The following MAOB variants were observed in gnomAD, a reference collection of about 807,000 sequenced individuals.
MAOB encodes monoamine oxidase B.
In MAOB, 15 loss-of-function variants were observed where a neutral mutation model predicts 41.9. That is an observed-to-expected ratio of 0.36 (90% CI 0.24 to 0.55). The LOEUF is 0.55. Ranked by LOEUF, MAOB falls within the 20% of genes least tolerant of loss-of-function variation. MAOB has a pLI of 0.86. For synonymous variants in MAOB, 167 were observed against 144.2 expected (o/e 1.16, Z -1.13); for missense variants, 345 against 398.7 (o/e 0.87, Z 1.15).
intron 3 of MAOB, among the ~76,000 whole-genome samples, chrX:43,829,212 C>T (rs1602010221): frequency 8.9e-6 from 1 of 112,124 alleles, no homozygotes. Context: ...AGCATGTGTG[C>T]TAAAAGATGA....
rs768738931 is a variant in MAOB, at chrX:43,807,210, G to C, written c.280-3806C>G. Among the ~76,000 whole-genome samples, 3 of 112,267 alleles carry C rather than the reference G, an allele frequency of 2.7e-5. No individual in the cohort carries two copies. The South Asian group carries it at 1.1e-3, about 41-fold the overall frequency. ...CATAAAACTTGCTCAGCAGAAACCT[G>C]TGGATTGATCCAGGGACCATTCTCC... On this transcript the variant is annotated intron_variant, in intron 3 of 14. Transcript: ENST00000378069.
Position 43,803,417 on chromosome X carries a change from A to G in MAOB, c.280-13T>C, listed in dbSNP as rs1162229207. 1 of 1,165,696 alleles carries G rather than the reference A, an allele frequency of 8.6e-7. No individual in the cohort carries two copies. ...GGTATGATTTGCCCTGTGAGATACA[A>G]GATATTTTTAAAAGGAAATATTTAC... On this transcript the variant is annotated splice_polypyrimidine_tract_variant and intron_variant, in intron 3 of 14. Coordinates refer to ENST00000378069, the MANE Select transcript of MAOB (RefSeq NM_000898.5).
intron 8 of MAOB, among the ~76,000 whole-genome samples, chrX:43,783,908 T>C (rs1252995782): frequency 8.9e-6 from 1 of 112,329 alleles, no homozygotes; most frequent in African/African-American, 3.2e-5. Context: ...ATCAACTAAG[T>C]TTATGTAATA....
At chrX:43,822,659 GA>G (rs1266558620) in intron 3 of MAOB, among the ~76,000 whole-genome samples, 3 of 112,183 alleles carry the variant, frequency 2.7e-5, no homozygotes, top group Non-Finnish European at 5.6e-5. Flanking sequence ...CTGTTTATTT[GA>G]AACAATTATT....
chrX:43,833,195 T>C (rs2035037383), intron 3 of MAOB, among the ~76,000 whole-genome samples: 2 of 111,554 alleles, frequency 1.8e-5, no homozygotes, highest in African/African-American at 6.5e-5. Flanking sequence ...GGGATAATAC[T>C]TCTAATTCAC....
At chrX:43,831,839 C>A (rs1206065515) in intron 3 of MAOB, among the ~76,000 whole-genome samples, 1 of 111,079 alleles carries the variant, frequency 9.0e-6, no homozygotes, top group Non-Finnish European at 1.9e-5. Flanking sequence ...TAGATTGATT[C>A]ATTGCTATGA....
Position 43,793,423 on chromosome X carries a change from T to C in MAOB, c.924A>G (p.Lys308=). ...IVYYKEPFWR[K]KDYCGTMIID... is the part of the protein sequence containing the mutation. ...TTATATAAGGAAAGTACTCACCCTT[T>C]TTCCTCCAGAAAGGCTCTTTATAAT... Residue 308 remains lysine (K), a synonymous_variant, in exon 8 of 15, where the codon AAA becomes AAG. Coordinates refer to ENST00000378069, the MANE Select transcript of MAOB (RefSeq NM_000898.5). The C allele has an allele frequency of 8.4e-7, 1 of 1,189,531 alleles. No individual in the cohort carries two copies. The highest frequency in any genetic ancestry group is 1.1e-6 in the Non-Finnish European group (1 of 884,441).
At chrX:43,837,912 A>G (rs1415338453) in intron 3 of MAOB, 1 of 331,220 alleles carries the variant, frequency 3.0e-6, no homozygotes, top group Non-Finnish European at 5.9e-6. Context: ...TTTGTGGACC[A>G]AGATGAGGAT....
intron 11 of MAOB, among the ~76,000 whole-genome samples, chrX:43,775,476 A>G (rs1188777132): frequency 8.9e-6 from 1 of 111,983 alleles, no homozygotes; most frequent in African/African-American, 3.2e-5. Flanking sequence ...AGATCTTAGA[A>G]TGTTTTTTTC....
At chrX:43,794,546 A>C (rs1293681703) in intron 7 of MAOB, among the ~76,000 whole-genome samples, 2 of 110,626 alleles carry the variant, frequency 1.8e-5, no homozygotes, top group Non-Finnish European at 1.9e-5. Flanking sequence ...TTTGTTCACG[A>C]CTGTGTTCTT....
chrX:43,869,838 T>C (rs1056449318), intron 1 of MAOB, among the ~76,000 whole-genome samples: 1 of 111,726 alleles, frequency 9.0e-6, no homozygotes, highest in African/African-American at 3.3e-5. Flanking sequence ...CTCACAATCA[T>C]GATTTCCTAT....
intron 1 of MAOB, chrX:43,844,459 T>A (rs2035176826): frequency 8.9e-6 from 1 of 111,802 alleles, no homozygotes; most frequent in Admixed American, 9.4e-5. Context: ...ACTTTACCCA[T>A]TGTGATGGTT....
In MAOB at chrX:43,771,895, C is replaced by T. The variant is rs746002592; in HGVS notation, c.1236-2477G>A. Among the ~76,000 whole-genome samples, 9 of 111,580 alleles carry T rather than the reference C, an allele frequency of 8.1e-5. No homozygotes were observed. The South Asian group carries it at 3.4e-3, about 42-fold the overall frequency. The stretch of plus-strand genomic sequence containing the variant: ...ATACCTGCCCCTTCTTTTGCAGGTG[C>T]GTGAACAGACAGTATATATTTACAA... On this transcript the variant is annotated intron_variant, in intron 12 of 14. Coordinates refer to ENST00000378069, the MANE Select transcript of MAOB (RefSeq NM_000898.5).
chrX:43,838,811 T>C, intron 3 of MAOB, 57 bp downstream of exon 3: 1 of 1,063,900 alleles, frequency 9.4e-7, no homozygotes. Flanking sequence ...CTGGAATTTG[T>C]GTAAGGAAAC....
chrX:43,809,909 G>A (rs969869211), intron 3 of MAOB, among the ~76,000 whole-genome samples: 1 of 111,661 alleles, frequency 9.0e-6, no homozygotes, highest in Non-Finnish European at 1.9e-5. Flanking sequence ...GCTCAGATAA[G>A]TTTAAATGAC....
intron 8 of MAOB, among the ~76,000 whole-genome samples, chrX:43,791,018 G>A (rs1217510404): frequency 2.7e-5 from 3 of 111,608 alleles, no homozygotes; most frequent in African/African-American, 9.8e-5. Flanking sequence ...AAAATGGGTG[G>A]CCTGGGTCAC....
chrX:43,767,712 C>T (rs1601958583), intron 14 of MAOB, 94 bp from the exon 15 acceptor site: 1 of 825,500 alleles, frequency 1.2e-6, no homozygotes, highest in Non-Finnish European at 1.7e-6. Context: ...ATGACCCATT[C>T]TTGCCAACGT....
chrX:43,805,342 C>T (rs1287282063), intron 3 of MAOB, among the ~76,000 whole-genome samples: 1 of 111,508 alleles, frequency 9.0e-6, no homozygotes, highest in African/African-American at 3.3e-5. Context: ...ATTTAACATG[C>T]AATTTGGGGA....
At chrX:43,867,504 G>A (rs749709349) in intron 1 of MAOB, among the ~76,000 whole-genome samples, 1 of 112,541 alleles carries the variant, frequency 8.9e-6, no homozygotes, top group African/African-American at 3.2e-5. Context: ...AAATTCAAAT[G>A]TCAAAGATGG....
Sources: gnomAD v4.1 joint callset for allele counts (sites outside exome capture counted in the v4.1 genomes callset) on GRCh38, gnomAD v4.1.1 for gene constraint, MANE v1.5 for transcripts, NCBI Gene and HGNC (gene_info 2026-07-23, HGNC 2026-07-21) for gene names.